DBF4: variants seen among roughly 807,000 people sequenced by gnomAD.
DBF4 encodes the protein DBF4-CDC7 kinase regulatory subunit, also known as protein DBF4 homolog A.
In DBF4, 25 loss-of-function variants were observed where a neutral mutation model predicts 76.6. That is an observed-to-expected ratio of 0.33 (90% CI 0.24 to 0.46). DBF4 has a LOEUF of 0.46. Among genes scored for constraint, DBF4 ranks in the 20% least tolerant of loss-of-function variants. The pLI is 1.00. For missense variants in DBF4, 638 were observed against 760.8 expected, an observed-to-expected ratio of 0.84 and a Z score of 1.90; for synonymous variants, 213 against 258.0, an observed-to-expected ratio of 0.83 and a Z score of 1.67.
At position 87,908,009 on chromosome 7, in the gene DBF4, C is replaced by T; in HGVS notation, c.1871C>T (p.Thr624Ile). The T allele has an allele frequency of 6.2e-7, 1 of 1,613,750 alleles. No homozygotes were observed. The highest frequency in any genetic ancestry group is 8.5e-7 in the Non-Finnish European group (1 of 1,179,782). Residue 624 changes from threonine to isoleucine, a missense_variant, in exon 12 of 12, where the codon ACT (threonine) becomes ATT (isoleucine). Coordinates refer to ENST00000265728, the MANE Select transcript of DBF4 (RefSeq NM_006716.4). ...CAGTCTTTACTAGACTTGTTTCAGA[C>T]TAGTGAAGAGAAATCAGAATTTTTG... ...PVQSLLDLFQ[T>I]SEEKSEFLGF...
intron 1 of DBF4, among the ~76,000 whole-genome samples, chr7:87,877,517 A>G (rs548074023): frequency 1.4e-4 from 22 of 152,320 alleles, no homozygotes; most frequent in African/African-American, 5.3e-4. Context: ...TTCGTAATGG[A>G]CCGTTAAGTT....
rs189093289 is a variant in DBF4, at chr7:87,887,273, A to G, written c.451-56A>G. ...TTCAAATAATTGAATTTTTATTAAA[A>G]TTTAGCTCATCTTAAATAATTTCCT... On this transcript the variant is annotated intron_variant, in intron 4 of 11. Transcript: ENST00000265728. The G allele has an allele frequency of 7.1e-6, 9 of 1,259,836 alleles. No homozygotes were observed. The African/African-American group carries it at 1.2e-4, about 17-fold the overall frequency. 78.0% of individuals were successfully genotyped at this position (1,259,836 alleles called of 1,614,324 possible).
At chr7:87,895,123 A>T (rs749268411) in intron 6 of DBF4, among the ~76,000 whole-genome samples, 4 of 152,060 alleles carry the variant, frequency 2.6e-5, no homozygotes, top group Non-Finnish European at 5.9e-5. Flanking sequence ...GAAGTTCACT[A>T]ATACTTAATT....
chr7:87,900,717 T>A (rs763288927), intron 9 of DBF4, 47 bp from the exon 10 acceptor site: 107 of 1,472,366 alleles, frequency 7.3e-5, no homozygotes, highest in Non-Finnish European at 1.0e-4. Flanking sequence ...TTAAAGTTAT[T>A]CCTTAGGTTC....
chr7:87,908,034 G>T lies in DBF4; in HGVS notation c.1896G>T (p.Leu632Phe). ...FQTSEEKSEF[L>F]GFTSYTEKSG... ...CTAGTGAAGAGAAATCAGAATTTTT[G>T]GGTTTCACAAGCTACACAGAAAAGA... is the stretch of plus-strand genomic sequence containing the variant. Residue 632 changes from leucine to phenylalanine, a missense_variant, in exon 12 of 12, where the codon TTG becomes TTT. Transcript: ENST00000265728. The T allele has an allele frequency of 1.2e-6, 2 of 1,613,688 alleles. No individual in the cohort carries two copies. The highest frequency in any genetic ancestry group is 1.7e-6 in the Non-Finnish European group (2 of 1,179,778).
intron 6 of DBF4, among the ~76,000 whole-genome samples, chr7:87,892,383 T>A (rs1438708374): frequency 1.4e-4 from 22 of 152,222 alleles, no homozygotes; most frequent in Admixed American, 1.4e-3. Flanking sequence ...TTGGTAATGC[T>A]TATTTAAGGT....
chr7:87,899,079 T>C (rs1019768443), intron 8 of DBF4, among the ~76,000 whole-genome samples: 18 of 152,184 alleles, frequency 1.2e-4, no homozygotes, highest in African/African-American at 4.3e-4. Flanking sequence ...CCTCACATCA[T>C]GTTCAAAAAT....
At position 87,909,384 on chromosome 7, in the gene DBF4, T is replaced by G. The variant is rs1381712683; in HGVS notation, c.*1221T>G. On this transcript the variant is annotated 3_prime_UTR_variant, in exon 12 of 12. Transcript: ENST00000265728. ...AAATTAGGTTACTAATCTTAATTTT[T>G]TTGAAATATATGATTCTCAGTACAG... 2 of 152,250 alleles carry G rather than the reference T, an allele frequency of 1.3e-5. No individual in the cohort carries two copies. The highest frequency in any genetic ancestry group is 4.8e-5 in the African/African-American group (2 of 41,470). The allele number at this position is 152,250 out of a possible 1,614,324, so 9.4% of individuals were successfully genotyped here. A position where few individuals can be genotyped will look rare whatever the true frequency, so the allele number is the denominator to read the frequency against.
Position 87,895,027 on chromosome 7 carries a change from C to G in DBF4, c.598-1447C>G, listed in dbSNP as rs991120450. Among the ~76,000 whole-genome samples the G allele has an allele frequency of 2.0e-5, 3 of 152,132 alleles. No individual in the cohort carries two copies. In the East Asian group the frequency reaches 5.8e-4, roughly 29 times the overall value. On this transcript the variant is annotated intron_variant, in intron 6 of 11. Coordinates refer to ENST00000265728, the MANE Select transcript of DBF4 (RefSeq NM_006716.4). ...AGTTAGACATCTTGATGTTATTCCACAGATCCCTGTGGCTCTTTTCCTTTT... is the reference window on the plus strand; with the variant it reads ...AGTTAGACATCTTGATGTTATTCCAGAGATCCCTGTGGCTCTTTTCCTTTT...
intron 6 of DBF4, among the ~76,000 whole-genome samples, chr7:87,890,477 A>T (rs1839457151): frequency 6.6e-6 from 1 of 152,188 alleles, no homozygotes; most frequent in Non-Finnish European, 1.5e-5. Context: ...GGTAGCAGTG[A>T]GCCGGGATCA....
At position 87,878,372 on chromosome 7, in the gene DBF4, A is replaced by G; in HGVS notation, c.219+147A>G. The G allele has an allele frequency of 4.6e-6, 3 of 657,912 alleles. No homozygotes were observed. In the South Asian group the frequency reaches 6.9e-5, roughly 15 times the overall value. The allele number at this position is 657,912 out of a possible 1,614,324, so 40.8% of individuals were successfully genotyped here. On this transcript the variant is annotated intron_variant, in intron 2 of 11. Transcript: ENST00000265728. ...ATCAGCTGTTTATCGTTAACAAAAA[A>G]CCATTTGTTTTAACCTTTTGTGGAC...
chr7:87,896,353 A>C, intron 6 of DBF4, 121 bp from the exon 7 acceptor site: 1 of 729,108 alleles, frequency 1.4e-6, no homozygotes, highest in South Asian at 1.7e-5. Flanking sequence ...ACAAAGAATA[A>C]TCCTTCTTTG....
Position 87,909,068 on chromosome 7 carries a change from T to A in DBF4, c.*905T>A, listed in dbSNP as rs1400012139. 1 of 151,146 alleles carries A rather than the reference T, an allele frequency of 6.6e-6. No individual in the cohort carries two copies. Among genetic ancestry groups the A allele is most frequent in the Non-Finnish European group, 1.5e-5 (1 of 67,940 alleles). The allele number at this position is 151,146 out of a possible 1,614,324, so 9.4% of individuals were successfully genotyped here. On this transcript the variant is annotated 3_prime_UTR_variant, in exon 12 of 12. Transcript: ENST00000265728. ...TCCAGACTGGGTGACAGAGTGAGACTCCATCTCAAAAAAAAAAAAGTTGAC... is the reference window on the plus strand; with the variant it reads ...TCCAGACTGGGTGACAGAGTGAGACACCATCTCAAAAAAAAAAAAGTTGAC...
chr7:87,878,017 CTG>C lies in DBF4; in HGVS notation c.47-32_47-31del, dbSNP rs775339893. ...AATATTTTAAAAATAGTAAAAGTGTCTGTGTAAAACATCTGATTCTAAACATC... is the reference window on the plus strand; with the variant it reads ...AATATTTTAAAAATAGTAAAAGTGTCTGTAAAACATCTGATTCTAAACATC... On this transcript the variant is annotated intron_variant, in intron 1 of 11. Transcript: ENST00000265728. The C allele has an allele frequency of 2.4e-5, 34 of 1,430,404 alleles. No homozygotes were observed. In the African/African-American group the frequency reaches 3.9e-4, roughly 16 times the overall value. 88.6% of individuals were successfully genotyped at this position (1,430,404 alleles called of 1,614,324 possible). A position where few individuals can be genotyped will look rare whatever the true frequency, so the allele number is the denominator to read the frequency against.
chr7:87,908,024 C>G lies in DBF4; in HGVS notation c.1886C>G (p.Ser629Ter). Residue 629 changes from serine (S) to a stop codon, truncating the protein, a stop_gained, in exon 12 of 12, where the codon TCA (serine) becomes TGA (stop). Coordinates refer to ENST00000265728, the MANE Select transcript of DBF4 (RefSeq NM_006716.4). LOFTEE classifies it high-confidence loss of function. ...TTGTTTCAGACTAGTGAAGAGAAAT[C>G]AGAATTTTTGGGTTTCACAAGCTAC... The part of the protein sequence containing the change: ...LDLFQTSEEK[S>*]EFLGFTSYTE... 6.2e-7 allele frequency: 1 copy of G among 1,613,746 alleles called. No homozygotes were observed. Among genetic ancestry groups the G allele is most frequent in the Non-Finnish European group, 8.5e-7 (1 of 1,179,782 alleles).
intron 1 of DBF4, 81 bp downstream of exon 1, chr7:87,876,859 C>A: frequency 6.8e-7 from 1 of 1,470,092 alleles, no homozygotes; most frequent in South Asian, 1.2e-5. Context: ...TCAGACTTCT[C>A]CCGCCGGGTC....
chr7:87,887,789 C>G (rs552203184), intron 5 of DBF4, among the ~76,000 whole-genome samples, 194 bp from the exon 6 acceptor site: 2 of 151,982 alleles, frequency 1.3e-5, no homozygotes. Context: ...CTTAAAGGTC[C>G]CATCTCTCAG....
chr7:87,884,183 T>C (rs1248161221), intron 2 of DBF4, among the ~76,000 whole-genome samples: 1 of 152,208 alleles, frequency 6.6e-6, no homozygotes, highest in African/African-American at 2.4e-5. Context: ...ATGGTAACCA[T>C]TAGTGATATG....
intron 6 of DBF4, among the ~76,000 whole-genome samples, chr7:87,894,521 A>G (rs1397705394): frequency 6.6e-6 from 1 of 152,330 alleles, no homozygotes; most frequent in Admixed American, 6.5e-5. Flanking sequence ...ATTAACCCAG[A>G]TGTTAACCTT....
Sources: gnomAD v4.1 joint callset for allele counts (sites outside exome capture counted in the v4.1 genomes callset) on GRCh38, gnomAD v4.1.1 for gene constraint, MANE v1.5 for transcripts, NCBI Gene and HGNC (gene_info 2026-07-23, HGNC 2026-07-21) for gene names.